Variants in BRI3 observed in about 807,000 individuals in gnomAD.
BRI3 encodes membrane protein BRI3.
BRI3 carries 6 observed loss-of-function variants against 12.8 expected under a neutral mutation model. The ratio of observed to expected loss-of-function variants is 0.47; its 90% CI spans 0.26 to 0.93. BRI3 has a LOEUF of 0.93. BRI3 is among the 40% of genes least tolerant of loss of function. The pLI, the probability that BRI3 is intolerant of heterozygous loss-of-function variation, is 0.15. For synonymous variants in BRI3, 91 were observed against 76.1 expected, an observed-to-expected ratio of 1.20 and a Z score of -1.02; for missense variants, 134 against 171.1, an observed-to-expected ratio of 0.78 and a Z score of 1.21.
chr7:98,317,081 G>A, the BRI3 span: 2 of 1,078,228 alleles, frequency 1.9e-6, no homozygotes, highest in Non-Finnish European at 2.7e-6. Context: ...TCGAACTCCT[G>A]ACCTCATATG....
intron 1 of BRI3, 101 bp from the exon 2 acceptor site, chr7:98,282,250 C>A: frequency 9.2e-7 from 1 of 1,081,624 alleles, no homozygotes; most frequent in Non-Finnish European, 1.3e-6. Flanking sequence ...AGACCGGGGG[C>A]TTTTTTAGCG....
chr7:98,305,918 T>A (rs1800639090), upstream of BRI3, among the ~76,000 whole-genome samples: 1 of 150,908 alleles, frequency 6.6e-6, no homozygotes, highest in South Asian at 2.1e-4. Context: ...GCCATGGGAG[T>A]GGATGAGATG....
downstream of BRI3, among the ~76,000 whole-genome samples, chr7:98,312,581 T>G (rs1800912167): frequency 6.6e-6 from 1 of 152,180 alleles, no homozygotes. Flanking sequence ...GCAATCTGTA[T>G]GAATCCCGTT....
At chr7:98,320,361 G>C in the BRI3 span, 1 of 1,308,304 alleles carries the variant, frequency 7.6e-7, no homozygotes, top group Non-Finnish European at 1.1e-6. Context: ...TTGAAATGGA[G>C]TTTTTGCTCT....
At chr7:98,321,009 A>G in the BRI3 span, among the ~76,000 whole-genome samples, 26 of 152,114 alleles carry the variant, frequency 1.7e-4, no homozygotes, top group Non-Finnish European at 3.7e-4. Context: ...GGCGTGCACC[A>G]CCACACTCAG....
chr7:98,293,067 C>T, downstream of BRI3: 1 of 753,176 alleles, frequency 1.3e-6, no homozygotes, highest in Non-Finnish European at 1.7e-6. Flanking sequence ...TTATGATTTG[C>T]ATGCTAAGAT....
At chr7:98,302,532 ACT>A (rs1241140927), upstream of BRI3, among the ~76,000 whole-genome samples, 1 of 152,126 alleles carries the variant, frequency 6.6e-6, no homozygotes, top group African/African-American at 2.4e-5. Flanking sequence ...ACAGCAACAG[ACT>A]CTGAGCAGGG....
chr7:98,293,646 CTG>C (rs1562961214), downstream of BRI3: 1 of 1,571,564 alleles, frequency 6.4e-7, no homozygotes, highest in Non-Finnish European at 8.8e-7. Flanking sequence ...ACGAGGGAAA[CTG>C]GATTTTAACA....
At chr7:98,319,141 G>A in the BRI3 span, among the ~76,000 whole-genome samples, 1 of 152,092 alleles carries the variant, frequency 6.6e-6, no homozygotes, top group Non-Finnish European at 1.5e-5. Flanking sequence ...AGGGCAACTC[G>A]CACACTCACT....
chr7:98,315,634 T>TAATAAA, the BRI3 span: 1 of 1,076,450 alleles, frequency 9.3e-7, no homozygotes, highest in Non-Finnish European at 1.2e-6. Flanking sequence ...AAAATAATAA[T>TAATAAA]AATAATAATT....
chr7:98,322,305 T>C, the BRI3 span, among the ~76,000 whole-genome samples: 6 of 152,150 alleles, frequency 3.9e-5, no homozygotes, highest in Non-Finnish European at 8.8e-5. Flanking sequence ...CAGGCTTCCC[T>C]TGTCCCAGCT....
chr7:98,291,537 C>A lies in BRI3; in HGVS notation c.*294C>A. On this transcript the variant is annotated 3_prime_UTR_variant, in exon 3 of 3. Coordinates refer to ENST00000297290, the MANE Select transcript of BRI3 (RefSeq NM_015379.5). ...GATTCATACCATTGTTGACCTGGTGCTGCTTACTCGGTGCTTTCAGAGACC... is the reference window on the plus strand; with the variant it reads ...GATTCATACCATTGTTGACCTGGTGATGCTTACTCGGTGCTTTCAGAGACC... The A allele has an allele frequency of 8.5e-7, 1 of 1,171,816 alleles. No individual in the cohort carries two copies. The highest frequency in any genetic ancestry group is 1.1e-6 in the Non-Finnish European group (1 of 943,174). The allele number at this position is 1,171,816 out of a possible 1,614,324, so 72.6% of individuals were successfully genotyped here. A position where few individuals can be genotyped will look rare whatever the true frequency, so the allele number is the denominator to read the frequency against.
chr7:98,323,153 G>C, the BRI3 span: 2 of 152,182 alleles, frequency 1.3e-5, no homozygotes, highest in African/African-American at 4.8e-5. Flanking sequence ...TTCCAGAACG[G>C]GGCATGAGAA....
chr7:98,292,371 T>C (rs541994981), downstream of BRI3: 27 of 436,770 alleles, frequency 6.2e-5, no homozygotes, highest in South Asian at 7.5e-4. Flanking sequence ...ACCACACCTG[T>C]CTAATTTTTG....
At chr7:98,316,171 G>C in the BRI3 span, among the ~76,000 whole-genome samples, 13 of 152,196 alleles carry the variant, frequency 8.5e-5, no homozygotes, top group African/African-American at 3.1e-4. Context: ...GCTCTCCTTT[G>C]CCTGCTGCCA....
At chr7:98,292,979 T>TGATA, downstream of BRI3, 2 of 1,193,898 alleles carry the variant, frequency 1.7e-6, no homozygotes, top group Non-Finnish European at 1.0e-6. Context: ...GGTTTCTCCA[T>TGATA]CTCTGGAAGC....
intron 1 of BRI3, among the ~76,000 whole-genome samples, chr7:98,298,555 G>A (rs1386683623): frequency 6.6e-6 from 1 of 152,070 alleles, no homozygotes; most frequent in Non-Finnish European, 1.5e-5. Flanking sequence ...GGAGTTTGCA[G>A]TGAGCCGAGA....
intron 2 of BRI3, among the ~76,000 whole-genome samples, chr7:98,285,930 C>T (rs1288090025): frequency 3.3e-5 from 5 of 152,186 alleles, no homozygotes; most frequent in South Asian, 2.1e-4. Flanking sequence ...CTTTTCCTGG[C>T]GAGGCCTGGC....
chr7:98,292,824 G>A, downstream of BRI3: 3 of 1,486,498 alleles, frequency 2.0e-6, no homozygotes, highest in South Asian at 2.7e-5. Context: ...GATGGGCCGT[G>A]TGCAGCGAAT....
Sources: allele counts gnomAD v4.1 joint callset (sites outside exome capture counted in the v4.1 genomes callset), GRCh38; gene constraint gnomAD v4.1.1; transcripts MANE v1.5; gene names NCBI Gene and HGNC (gene_info 2026-07-23, HGNC 2026-07-21).